The following TSPAN18 variants were observed in gnomAD, a reference collection of about 807,000 sequenced individuals.
TSPAN18 encodes the protein tetraspanin-18.
TSPAN18 carries 14 observed loss-of-function variants against 27.3 expected under a neutral mutation model. The observed-to-expected ratio is 0.51, with a 90% CI of 0.34 to 0.80. The LOEUF (loss-of-function observed/expected upper bound fraction) is 0.80. TSPAN18 is among the 30% of genes least tolerant of loss of function. TSPAN18 has a pLI of 0.01. For missense variants in TSPAN18, 268 were observed against 323.9 expected (o/e 0.83, Z 1.32); for synonymous variants, 143 against 136.5 (o/e 1.05, Z -0.33).
intron 2 of TSPAN18, among the ~76,000 whole-genome samples, chr11:44,800,540 G>A (rs942080250): frequency 7.2e-5 from 11 of 152,232 alleles, no homozygotes; most frequent in African/African-American, 2.7e-4. Flanking sequence ...TTACCTGGCT[G>A]TATGAAGTTC....
chr11:44,803,253 T>A (rs1008294162), intron 2 of TSPAN18, among the ~76,000 whole-genome samples: 8 of 151,968 alleles, frequency 5.3e-5, no homozygotes, highest in Non-Finnish European at 7.4e-5. Flanking sequence ...TTTACTGAGG[T>A]GGCCTTGAAG....
chr11:44,787,704 T>C (rs1027833924), intron 2 of TSPAN18, among the ~76,000 whole-genome samples: 1 of 152,240 alleles, frequency 6.6e-6, no homozygotes, highest in Non-Finnish European at 1.5e-5. Context: ...TGAATAGATA[T>C]CGGCAGATGT....
At chr11:44,735,256 G>C (rs77253485) in intron 1 of TSPAN18, among the ~76,000 whole-genome samples, 8 of 152,376 alleles carry the variant, frequency 5.3e-5, no homozygotes, top group Admixed American at 4.6e-4. Context: ...CTCGGCTTCT[G>C]TGGTGCAGGG....
At chr11:44,823,146 G>A (rs564141475) in intron 2 of TSPAN18, among the ~76,000 whole-genome samples, 5 of 152,122 alleles carry the variant, frequency 3.3e-5, no homozygotes, top group Non-Finnish European at 5.9e-5. Context: ...GGACCTCCAC[G>A]GCCGGCAACG....
chr11:44,795,001 C>G (rs2135052479), intron 2 of TSPAN18, among the ~76,000 whole-genome samples: 1 of 152,288 alleles, frequency 6.6e-6, no homozygotes, highest in South Asian at 2.1e-4. Context: ...GGGGTCCTCA[C>G]TGGCTTTAGG....
intron 5 of TSPAN18, among the ~76,000 whole-genome samples, chr11:44,910,482 G>C (rs2135341415): frequency 6.6e-6 from 1 of 152,352 alleles, no homozygotes; most frequent in Non-Finnish European, 1.5e-5. Context: ...GGGGGCCTTG[G>C]CATCCAGGTC....
At chr11:44,819,413 GT>G (rs950383348) in intron 2 of TSPAN18, among the ~76,000 whole-genome samples, 4 of 152,212 alleles carry the variant, frequency 2.6e-5, no homozygotes, top group African/African-American at 7.2e-5. Flanking sequence ...CTGTGTGTAT[GT>G]TGGGAAGGGA....
chr11:44,769,655 A>G (rs558426407), intron 2 of TSPAN18, among the ~76,000 whole-genome samples: 4 of 152,164 alleles, frequency 2.6e-5, no homozygotes, highest in Non-Finnish European at 5.9e-5. Flanking sequence ...TAAGTTATCA[A>G]ATTTGTAGGC....
chr11:44,739,328 A>G (rs1409935958), intron 1 of TSPAN18, among the ~76,000 whole-genome samples: 1 of 152,168 alleles, frequency 6.6e-6, no homozygotes, highest in Non-Finnish European at 1.5e-5. Context: ...CTCTTTGAAA[A>G]TAATCACGTC....
intron 2 of TSPAN18, among the ~76,000 whole-genome samples, chr11:44,814,678 C>CCATT (rs1554987104): frequency 2.0e-5 from 3 of 151,608 alleles, no homozygotes; most frequent in Non-Finnish European, 4.4e-5. Flanking sequence ...ATCCATCCAT[C>CCATT]CATCCATCCA....
chr11:44,857,216 C>T (rs1019770622), intron 2 of TSPAN18, among the ~76,000 whole-genome samples: 5 of 152,222 alleles, frequency 3.3e-5, no homozygotes, highest in Admixed American at 1.3e-4. Flanking sequence ...TTATCTTGAT[C>T]ACTGGGATTA....
Position 44,798,090 on chromosome 11 carries a change from C to T in TSPAN18, c.-153+33578C>T, listed in dbSNP as rs373928567. Among the ~76,000 whole-genome samples, 15 of 152,316 alleles carry T rather than the reference C, an allele frequency of 9.8e-5. No individual in the cohort carries two copies. In the East Asian group the frequency reaches 2.7e-3, roughly 27 times the overall value. On this transcript the variant is annotated intron_variant, in intron 2 of 9. Coordinates refer to ENST00000520358, the MANE Select transcript of TSPAN18 (RefSeq NM_130783.5). The stretch of plus-strand genomic sequence containing the variant: ...TGAACACACTTCTAGAAAGGCTCTT[C>T]AGGCCAGCCTCCCTCCTGTGTGCTC...
chr11:44,863,524 T>C (rs959419206), intron 3 of TSPAN18, among the ~76,000 whole-genome samples: 1 of 152,228 alleles, frequency 6.6e-6, no homozygotes, highest in Middle Eastern at 3.2e-3. Flanking sequence ...CAAGAGTTCT[T>C]AATCCTCTCA....
At chr11:44,802,915 G>C (rs1192911479) in intron 2 of TSPAN18, among the ~76,000 whole-genome samples, 1 of 152,144 alleles carries the variant, frequency 6.6e-6, no homozygotes, top group Non-Finnish European at 1.5e-5. Context: ...TGATAAACAG[G>C]TGCACCAGCT....
intron 2 of TSPAN18, among the ~76,000 whole-genome samples, chr11:44,777,752 C>A (rs932675167): frequency 3.9e-5 from 6 of 152,200 alleles, no homozygotes; most frequent in African/African-American, 9.7e-5. Context: ...CACCTCCCCC[C>A]CTTTTCTTTC....
At chr11:44,925,314 C>A (rs1392810829) in intron 8 of TSPAN18, among the ~76,000 whole-genome samples, 1 of 152,248 alleles carries the variant, frequency 6.6e-6, no homozygotes, top group Non-Finnish European at 1.5e-5. Flanking sequence ...CCAACCACTT[C>A]CCCGATTATT....
chr11:44,792,312 CG>C (rs1565151517), intron 2 of TSPAN18, among the ~76,000 whole-genome samples: 2 of 152,156 alleles, frequency 1.3e-5, no homozygotes, highest in African/African-American at 4.8e-5. Context: ...GGAGCATCTG[CG>C]GGGACAGTCG....
chr11:44,729,134 A>G (rs916335688), intron 1 of TSPAN18, among the ~76,000 whole-genome samples: 1 of 152,220 alleles, frequency 6.6e-6, no homozygotes, highest in Admixed American at 6.5e-5. Context: ...TGCCATAAAG[A>G]CAGATCAGCA....
chr11:44,793,555 C>T (rs2135048873), intron 2 of TSPAN18, among the ~76,000 whole-genome samples: 1 of 152,194 alleles, frequency 6.6e-6, no homozygotes, highest in African/African-American at 2.4e-5. Flanking sequence ...TCACCTTTTT[C>T]CACCTCAGTT....
Sources: gnomAD v4.1 joint callset for allele counts (sites outside exome capture counted in the v4.1 genomes callset) on GRCh38, gnomAD v4.1.1 for gene constraint, MANE v1.5 for transcripts, NCBI Gene and HGNC (gene_info 2026-07-23, HGNC 2026-07-21) for gene names.